TMEM182: variants seen among roughly 807,000 people sequenced by gnomAD.
TMEM182 encodes the protein transmembrane protein 182.
TMEM182 carries 20 observed loss-of-function variants against 26.8 expected under a neutral mutation model. The ratio of observed to expected loss-of-function variants is 0.75; its 90% CI spans 0.53 to 1.09. TMEM182 has a LOEUF of 1.09. Among genes scored for constraint, TMEM182 ranks in the 50% least tolerant of loss-of-function variants. TMEM182 has a pLI of 0.00. For synonymous variants in TMEM182, 109 were observed against 102.2 expected (o/e 1.07, Z -0.40); for missense variants, 277 against 275.5 (o/e 1.01, Z -0.04).
intron 2 of TMEM182, among the ~76,000 whole-genome samples, chr2:102,763,780 C>T (rs528254636): frequency 6.6e-6 from 1 of 152,120 alleles, no homozygotes; most frequent in Non-Finnish European, 1.5e-5. Flanking sequence ...TTAAAGTGTA[C>T]ATATAAAAAT....
chr2:102,800,797 T>TTGTGTGTGTG (rs71378190), intron 4 of TMEM182, among the ~76,000 whole-genome samples: 2 of 137,786 alleles, frequency 1.5e-5, no homozygotes, highest in South Asian at 2.5e-4. Context: ...TTTGGACAGT[T>TTGTGTGTGTG]TGTGTGTGTG....
At chr2:102,747,946 T>C (rs937590243) in intron 1 of TMEM182, among the ~76,000 whole-genome samples, 1 of 152,028 alleles carries the variant, frequency 6.6e-6, no homozygotes, top group Non-Finnish European at 1.5e-5. Context: ...AGACAGAAAG[T>C]GTGTGTGTGT....
intron 3 of TMEM182, among the ~76,000 whole-genome samples, chr2:102,767,990 C>T (rs1337659817): frequency 6.6e-6 from 1 of 152,096 alleles, no homozygotes; most frequent in African/African-American, 2.4e-5. Flanking sequence ...CTCCTCTGTT[C>T]ATTTTTCTAA....
At chr2:102,805,608 C>CA (rs1354381976) in intron 4 of TMEM182, among the ~76,000 whole-genome samples, 7,004 of 142,384 alleles carry the variant, frequency 0.049, 511 homozygotes, top group African/African-American at 0.16. Flanking sequence ...ATCGTTCCCT[C>CA]AAAAAAAAAA....
chr2:102,740,397 T>G (rs1679509920), intron 1 of TMEM182, among the ~76,000 whole-genome samples: 1 of 152,086 alleles, frequency 6.6e-6, no homozygotes, highest in Non-Finnish European at 1.5e-5. Flanking sequence ...CTTTTCCCCC[T>G]CTTGCTCAGT....
intron 3 of TMEM182, among the ~76,000 whole-genome samples, chr2:102,839,472 A>ATATATATAT (rs1558796834): frequency 1.1e-4 from 9 of 78,582 alleles, no homozygotes; most frequent in African/African-American, 4.0e-4. Flanking sequence ...TATATATATA[A>ATATATATAT]TATATACACA....
At chr2:102,800,797 T>TGTG (rs1682089420) in intron 4 of TMEM182, among the ~76,000 whole-genome samples, 1 of 137,788 alleles carries the variant, frequency 7.3e-6, no homozygotes, top group Non-Finnish European at 1.6e-5. Context: ...TTTGGACAGT[T>TGTG]TGTGTGTGTG....
chr2:102,772,605 AGGGTTCTATGGG>A lies in TMEM182; in HGVS notation c.331+8181_331+8192del, dbSNP rs368882512. 4.3e-3 allele frequency among the ~76,000 whole-genome samples: 647 copies of A among 152,188 alleles called. 7 individuals carry two copies. The highest frequency in any genetic ancestry group is 0.014 in the African/African-American group (594 of 41,528). ...TTAGCACAGGGACTGGCTCATGGTA[AGGGTTCTATGGG>A]GGTACAAGCTGGGCTTCCGGTCTGC... On this transcript the variant is annotated intron_variant, in intron 3 of 4. Transcript: ENST00000412401.
intron 3 of TMEM182, among the ~76,000 whole-genome samples, chr2:102,782,614 C>CA (rs564676796): frequency 1.5e-3 from 225 of 152,190 alleles, no homozygotes; most frequent in Non-Finnish European, 2.6e-3. Context: ...GCCAAGGAAA[C>CA]AAAGAAGTTA....
chr2:102,817,714 GTC>G (rs1246846432), downstream of TMEM182: 5 of 983,394 alleles, frequency 5.1e-6, no homozygotes, highest in Admixed American at 2.5e-4. Flanking sequence ...CTATTTATCT[GTC>G]TATCATCAAT....
intron 3 of TMEM182, among the ~76,000 whole-genome samples, chr2:102,775,837 G>A (rs1213133406): frequency 6.6e-6 from 1 of 152,154 alleles, no homozygotes; most frequent in South Asian, 2.1e-4. Context: ...TACAAGGGAT[G>A]TGAAGGACCT....
intron 3 of TMEM182, among the ~76,000 whole-genome samples, chr2:102,827,100 A>G (rs1683047840): frequency 1.3e-5 from 2 of 152,220 alleles, no homozygotes; most frequent in Non-Finnish European, 1.5e-5. Context: ...CAGCCGCCAC[A>G]TGGCTATTTG....
intron 3 of TMEM182, among the ~76,000 whole-genome samples, chr2:102,824,232 G>T (rs1019066506): frequency 6.6e-6 from 1 of 152,174 alleles, no homozygotes; most frequent in African/African-American, 2.4e-5. Flanking sequence ...AGATACTGCG[G>T]TTTTTGACTG....
intron 3 of TMEM182, among the ~76,000 whole-genome samples, chr2:102,842,050 A>G (rs1412900900): frequency 6.6e-6 from 1 of 152,178 alleles, no homozygotes; most frequent in Non-Finnish European, 1.5e-5. Flanking sequence ...TAATATTTTA[A>G]TATCATTTTG....
chr2:102,771,278 A>G (rs749422700), intron 3 of TMEM182, among the ~76,000 whole-genome samples: 5 of 152,226 alleles, frequency 3.3e-5, no homozygotes, highest in Non-Finnish European at 1.5e-5. Flanking sequence ...GGGATCACAC[A>G]GCCATCACCA....
At chr2:102,781,818 T>C (rs566331937) in intron 3 of TMEM182, among the ~76,000 whole-genome samples, 18 of 152,292 alleles carry the variant, frequency 1.2e-4, no homozygotes, top group African/African-American at 4.1e-4. Context: ...TTTTTACTTA[T>C]CAAGCTCACC....
intron 4 of TMEM182, among the ~76,000 whole-genome samples, chr2:102,812,748 A>G (rs1682599290): frequency 6.6e-6 from 1 of 152,206 alleles, no homozygotes; most frequent in African/African-American, 2.4e-5. Context: ...AAATATCTGA[A>G]AGCACAAGAG....
intron 3 of TMEM182, among the ~76,000 whole-genome samples, chr2:102,839,010 T>C (rs1380695206): frequency 6.6e-6 from 1 of 152,226 alleles, no homozygotes; most frequent in Non-Finnish European, 1.5e-5. Flanking sequence ...ATACCCCATA[T>C]AGCATCAAGA....
chr2:102,789,988 C>T (rs530368381), intron 3 of TMEM182, among the ~76,000 whole-genome samples: 1 of 152,160 alleles, frequency 6.6e-6, no homozygotes, highest in Middle Eastern at 3.2e-3. Flanking sequence ...TGCCCTTTCT[C>T]ACTGCTACTC....
Sources: gnomAD v4.1 joint callset for allele counts (sites outside exome capture counted in the v4.1 genomes callset) on GRCh38, gnomAD v4.1.1 for gene constraint, MANE v1.5 for transcripts, NCBI Gene and HGNC (gene_info 2026-07-23, HGNC 2026-07-21) for gene names.